The following MACF1 variants were observed in gnomAD, a reference collection of about 807,000 sequenced individuals.
The protein encoded by MACF1 is microtubule actin crosslinking factor 1.
A neutral mutation model predicts 854.8 loss-of-function variants in MACF1; 193 were observed. The ratio of observed to expected loss-of-function variants is 0.23; its 90% CI spans 0.20 to 0.25. The LOEUF is 0.25. MACF1 is among the 10% of genes least tolerant of loss of function. The pLI, the probability that MACF1 is intolerant of heterozygous loss-of-function variation, is 1.00. For synonymous variants in MACF1, 3,185 were observed against 3,226.7 expected (o/e 0.99, Z 0.44); for missense variants, 7,722 against 8,929.1 (o/e 0.86, Z 5.45).
chr1:39,266,587 T>A (rs912027124), intron 6 of MACF1, among the ~76,000 whole-genome samples: 4 of 143,198 alleles, frequency 2.8e-5, no homozygotes, highest in Middle Eastern at 3.6e-3. Context: ...CCTTTTGTGG[T>A]CTTTTCCTTT....
intron 22 of MACF1, 122 bp downstream of exon 22, chr1:39,300,484 A>G: frequency 9.8e-7 from 1 of 1,020,300 alleles, no homozygotes; most frequent in Non-Finnish European, 1.4e-6. Flanking sequence ...GAATTTAAAC[A>G]TGCTGAAGTC....
chr1:39,104,312 G>A (rs1259034494), intron 2 of MACF1, among the ~76,000 whole-genome samples: 1 of 152,172 alleles, frequency 6.6e-6, no homozygotes, highest in Non-Finnish European at 1.5e-5. Flanking sequence ...ATACACAACC[G>A]AATGTTGGAT....
In MACF1 at chr1:39,451,206, C is replaced by T. The variant is rs1271453618; in HGVS notation, c.20413C>T (p.His6805Tyr). 9 of 1,613,500 alleles carry T rather than the reference C, an allele frequency of 5.6e-6. No homozygotes were observed. In the Admixed American group the frequency reaches 1.5e-4, roughly 27 times the overall value. ...CCTCGTCATGAACCTCATGGATGCACACAAGGTAGGGGTGAGGTCTGGGCT... is the reference window on the plus strand; with the variant it reads ...CCTCGTCATGAACCTCATGGATGCATACAAGGTAGGGGTGAGGTCTGGGCT... ...LDLVMNLMDA[H>Y]KVFQKELGKR... is the part of the protein sequence containing the mutation. Residue 6805 changes from histidine (H) to tyrosine (Y), a missense_variant, in exon 85 of 101, where the codon CAC becomes TAC. His to Tyr is a moderately conservative substitution (Grantham distance 83). Coordinates refer to ENST00000564288, the MANE Select transcript of MACF1 (RefSeq NM_001394062.1).
chr1:39,466,016 C>G (rs1644660427), intron 95 of MACF1, among the ~76,000 whole-genome samples: 1 of 152,078 alleles, frequency 6.6e-6, no homozygotes, highest in South Asian at 2.1e-4. Flanking sequence ...GTCCTGACAC[C>G]CTCTTCTACT....
chr1:39,150,779 C>T (rs1490506569), intron 2 of MACF1, among the ~76,000 whole-genome samples: 1 of 152,228 alleles, frequency 6.6e-6, no homozygotes. Context: ...CTCCATTCTC[C>T]TTAAAAGTTT....
At chr1:39,158,497 T>C (rs1643734143) in intron 2 of MACF1, among the ~76,000 whole-genome samples, 1 of 152,216 alleles carries the variant, frequency 6.6e-6, no homozygotes, top group South Asian at 2.1e-4. Context: ...AGAGCTCCTG[T>C]TGTGGTGATA....
At chr1:39,424,914 T>C (rs529328183) in intron 61 of MACF1, among the ~76,000 whole-genome samples, 29 of 152,370 alleles carry the variant, frequency 1.9e-4, no homozygotes, top group African/African-American at 7.0e-4. Flanking sequence ...TATGGCAGTC[T>C]TCAAATAATT....
At chr1:39,463,739 G>A in intron 94 of MACF1, 53 bp downstream of exon 94, 1 of 1,513,368 alleles carries the variant, frequency 6.6e-7, no homozygotes, top group Non-Finnish European at 9.2e-7. Flanking sequence ...ATATGTGGCT[G>A]ATCCCACCTT....
intron 58 of MACF1, among the ~76,000 whole-genome samples, chr1:39,397,119 G>A (rs929449994): frequency 2.6e-5 from 4 of 152,204 alleles, no homozygotes; most frequent in African/African-American, 9.7e-5. Flanking sequence ...TTACTGGGCA[G>A]TTGCTCTGTG....
chr1:39,123,496 C>T (rs1642774338), intron 2 of MACF1, among the ~76,000 whole-genome samples: 2 of 151,696 alleles, frequency 1.3e-5, no homozygotes, highest in African/African-American at 4.8e-5. Context: ...GTGTGAGCCA[C>T]TGTGCCTGGC....
intron 18 of MACF1, among the ~76,000 whole-genome samples, chr1:39,294,051 G>T (rs188577276): frequency 6.6e-6 from 1 of 152,062 alleles, no homozygotes; most frequent in Non-Finnish European, 1.5e-5. Context: ...CTAATAGCAC[G>T]TATTCCCCAA....
intron 66 of MACF1, 45 bp downstream of exon 66, chr1:39,430,953 A>C: frequency 6.6e-7 from 1 of 1,518,366 alleles, no homozygotes; most frequent in Non-Finnish European, 9.1e-7. Context: ...GACAGTATTG[A>C]TGTGTGAGAT....
chr1:39,320,197 G>A (rs186275135), intron 31 of MACF1, among the ~76,000 whole-genome samples: 11 of 152,130 alleles, frequency 7.2e-5, no homozygotes, highest in African/African-American at 2.4e-4. Flanking sequence ...ACTGCCTGCC[G>A]TTATCTCCCC....
chr1:39,480,264 T>TG (rs566107609), intron 98 of MACF1: 17 of 461,928 alleles, frequency 3.7e-5, no homozygotes, highest in Non-Finnish European at 6.2e-5. Flanking sequence ...ATGTCAGAAA[T>TG]GTTTATTTCC....
Position 39,398,412 on chromosome 1 carries a change from T to TA in MACF1, c.15816+9755dup. Among the ~76,000 whole-genome samples the TA allele has an allele frequency of 2.6e-5, 4 of 152,222 alleles. 1 individual carries two copies. Among genetic ancestry groups the TA allele is most frequent in the Admixed American group, 2.6e-4 (4 of 15,284 alleles). Reference sequence around the variant, plus strand: ...CCTCAGCCTCTCAGAGTGCTGGTATTACAGGAATGAGCCACAGTGCCTGGC... The same window carrying TA: ...CCTCAGCCTCTCAGAGTGCTGGTATTAACAGGAATGAGCCACAGTGCCTGGC... On this transcript the variant is annotated intron_variant, in intron 58 of 100. Transcript: ENST00000564288.
chr1:39,162,973 T>G lies in MACF1; in HGVS notation c.221-68209T>G, dbSNP rs193224755. Among the ~76,000 whole-genome samples, 623 of 152,312 alleles carry G rather than the reference T, an allele frequency of 4.1e-3. 1 individual carries two copies. The highest frequency in any genetic ancestry group is 7.2e-3 in the Non-Finnish European group (491 of 68,006). On this transcript the variant is annotated intron_variant, in intron 2 of 93. Transcript: ENST00000361689. ...ACCATAGGAGGTTAAAAAAATATTCTAACAATGGTGCCTATGCTGCATACT... is the reference window on the plus strand; with the variant it reads ...ACCATAGGAGGTTAAAAAAATATTCGAACAATGGTGCCTATGCTGCATACT...
intron 1 of MACF1, chr1:39,215,569 G>C (rs1644566938): frequency 6.6e-6 from 1 of 152,264 alleles, no homozygotes. Context: ...AAAATGTGCA[G>C]TGGAATAGAT....
At chr1:39,176,378 C>G (rs6667838) in intron 2 of MACF1, among the ~76,000 whole-genome samples, 1,830 of 151,918 alleles carry the variant, frequency 0.012, 17 homozygotes, top group Non-Finnish European at 0.017. Flanking sequence ...TTAGCTTGTC[C>G]CATTTCTTAG....
intron 2 of MACF1, among the ~76,000 whole-genome samples, chr1:39,123,717 GTTTTT>G (rs1170430073): frequency 1.0e-5 from 1 of 100,468 alleles, no homozygotes; most frequent in African/African-American, 4.3e-5. Flanking sequence ...TTCTTGTTTT[GTTTTT>G]TTTTTTTTTT....
Sources: allele counts gnomAD v4.1 joint callset (sites outside exome capture counted in the v4.1 genomes callset), GRCh38; gene constraint gnomAD v4.1.1; transcripts MANE v1.5; gene names NCBI Gene and HGNC (gene_info 2026-07-23, HGNC 2026-07-21).